BICDL2: variants seen among roughly 807,000 people sequenced by gnomAD.
BICDL2 encodes the protein BICD family-like cargo adapter 2.
In BICDL2, 62 loss-of-function variants were observed where a neutral mutation model predicts 56.6. That is an observed-to-expected ratio of 1.10 (90% CI 0.89 to 1.35). The LOEUF is 1.35. Among genes scored for constraint, BICDL2 ranks in the 40% most tolerant of loss-of-function variants. The pLI is 0.00. For synonymous variants in BICDL2, 358 were observed against 319.8 expected (o/e 1.12, Z -1.27); for missense variants, 808 against 684.5 (o/e 1.18, Z -2.01).
Position 3,029,540 on chromosome 16 carries a change from C to A in BICDL2, c.957+5G>T, listed in dbSNP as rs1232471261. 1 of 1,553,636 alleles carries A rather than the reference C, an allele frequency of 6.4e-7. No homozygotes were observed. Among genetic ancestry groups the A allele is most frequent in the South Asian group, 1.2e-5 (1 of 85,454 alleles). On this transcript the variant is annotated splice_donor_5th_base_variant and intron_variant, in intron 6 of 9. Transcript: ENST00000572449. ...GGTAAGGGGGCTGGGGCCCCACGAG[C>A]TCACCGGGGTGTCTCCGGGTGCGTC...
chr16:3,028,412 G>T lies in BICDL2; in HGVS notation c.1295C>A (p.Ser432Tyr). The change falls in exon 9 of 10, where the codon TCT becomes TAT. Residue 432 changes from serine to tyrosine, a missense_variant. Transcript: ENST00000572449. The part of the protein sequence containing the change: ...NRVSLERDSL[S>Y]RELLRAIRQK... ...GCGGATGGCGCGCAGCAGCTCCCGAGACAGGGAGTCTCGCTCCAGCGAGAC... is the reference window on the plus strand; with the variant it reads ...GCGGATGGCGCGCAGCAGCTCCCGATACAGGGAGTCTCGCTCCAGCGAGAC... 6.4e-7 allele frequency: 1 copy of T among 1,557,556 alleles called. No individual in the cohort carries two copies. The highest frequency in any genetic ancestry group is 2.3e-5 in the East Asian group (1 of 42,626).
Position 3,028,105 on chromosome 16 carries a change from GT to G in BICDL2, c.1527del (p.Ter509CysfsTer34). ...CAAGGGCAGCCCTCTGGGCCCAGCC[GT>G]CAGGTCCTTCGGAAGAGGTTACTGA... is the stretch of plus-strand genomic sequence containing the variant. ...GFLSNLFRRT[*>X] On this transcript the variant is annotated frameshift_variant and stop_lost, in exon 10 of 10. Coordinates refer to ENST00000572449, the MANE Select transcript of BICDL2 (RefSeq NM_001369667.1). LOFTEE classifies it high-confidence loss of function. 7.0e-7 allele frequency: 1 copy of G among 1,424,308 alleles called. No homozygotes were observed. Among genetic ancestry groups the G allele is most frequent in the Non-Finnish European group, 9.1e-7 (1 of 1,094,156 alleles). 88.2% of individuals were successfully genotyped at this position (1,424,308 alleles called of 1,614,324 possible).
chr16:3,027,709 C>CT lies in BICDL2; in HGVS notation c.*396dup, dbSNP rs56382043. The CT allele has an allele frequency of 7.1e-3, 9,571 of 1,347,284 alleles. 1 individual carries two copies. The highest frequency in any genetic ancestry group is 8.1e-3 in the Non-Finnish European group (8,179 of 1,006,506). 83.5% of individuals were successfully genotyped at this position (1,347,284 alleles called of 1,614,324 possible). ...AGGGTTTTAGAGTGTTTTTCATTTT[C>CT]TTTTTTTTTTTTTTTTTACAATAAA... On this transcript the variant is annotated 3_prime_UTR_variant, in exon 10 of 10. Transcript: ENST00000572449.
chr16:3,030,750 A>G lies in BICDL2; in HGVS notation c.561T>C (p.Ala187=). ...ELDALRGQCQ[A]QALAGAELRT... ...TCAGCTCTGCTCCAGCCAGTGCCTG[A>G]GCCTGGCACTGTCCCCGAAGGGCGT... is the stretch of plus-strand genomic sequence containing the variant. The change falls in exon 4 of 10, where the codon GCT becomes GCC. Residue 187 remains alanine, a synonymous_variant. Coordinates refer to ENST00000572449, the MANE Select transcript of BICDL2 (RefSeq NM_001369667.1). The G allele has an allele frequency of 6.2e-7, 1 of 1,612,802 alleles. No individual in the cohort carries two copies. Among genetic ancestry groups the G allele is most frequent in the South Asian group, 1.1e-5 (1 of 91,036 alleles).
Position 3,031,291 on chromosome 16 carries a change from G to C in BICDL2, c.283-141C>G, listed in dbSNP as rs1039470217. 22 of 678,632 alleles carry C rather than the reference G, an allele frequency of 3.2e-5. 1 individual carries two copies. The highest frequency in any genetic ancestry group is 8.1e-4 in the Middle Eastern group (2 of 2,464). 42.0% of individuals were successfully genotyped at this position (678,632 alleles called of 1,614,324 possible). On this transcript the variant is annotated intron_variant, in intron 2 of 9. Coordinates refer to ENST00000572449, the MANE Select transcript of BICDL2 (RefSeq NM_001369667.1). The stretch of plus-strand genomic sequence containing the variant: ...TGTCCAAGACAGACACAAAAGCAAG[G>C]GAGAGTGAGGGAGGAAGCGTGAGCA...
chr16:3,032,649 A>C (rs895514880), intron 2 of BICDL2: 1 of 152,248 alleles, frequency 6.6e-6, no homozygotes, highest in African/African-American at 2.4e-5. Flanking sequence ...GGAGGACGTC[A>C]TGTTTGAGTC....
intron 2 of BICDL2, 88 bp from the exon 3 acceptor site, chr16:3,031,238 C>T: frequency 8.4e-7 from 1 of 1,196,350 alleles, no homozygotes. Flanking sequence ...GGGACAGACA[C>T]CTAGGGAGAA....
chr16:3,028,956 G>A (rs1596481001), intron 7 of BICDL2, 126 bp from the exon 8 acceptor site: 4 of 1,301,080 alleles, frequency 3.1e-6, no homozygotes, highest in Non-Finnish European at 3.1e-6. Flanking sequence ...GGCAGCCGTG[G>A]CCCTGTGCTG....
intron 8 of BICDL2, 96 bp from the exon 9 acceptor site, chr16:3,028,564 G>A: frequency 6.5e-7 from 1 of 1,532,842 alleles, no homozygotes; most frequent in Non-Finnish European, 8.7e-7. Flanking sequence ...GAGGAGGGCT[G>A]CAAACACCTA....
At position 3,031,094 on chromosome 16, in the gene BICDL2, C is replaced by T. The variant is rs907231380; in HGVS notation, c.339G>A (p.Glu113=). ...CCAGCTCCACGGCCCGGGCCTCCCA[C>T]TCGGCTCCTCGGGCTGCCAGGCCTC... ...LRRGLAARGA[E]WEARAVELEG... is the part of the protein sequence containing the mutation. The change falls in exon 3 of 10, where the codon GAG becomes GAA. Residue 113 remains glutamate, a synonymous_variant. Transcript: ENST00000572449. The T allele has an allele frequency of 6.5e-6, 10 of 1,536,320 alleles. No individual in the cohort carries two copies. The highest frequency in any genetic ancestry group is 8.7e-6 in the Non-Finnish European group (10 of 1,146,668).
chr16:3,030,705 C>G lies in BICDL2; in HGVS notation c.606G>C (p.Leu202=), dbSNP rs1245930580. The stretch of plus-strand genomic sequence containing the variant: ...CCCAGCTGACACTCACTTCCCCCTG[C>G]AGACTCTCCAGCCGCGTCCTCAGCT... ...GAELRTRLES[L]QGENQMLQSR... The change falls in exon 4 of 10, where the codon CTG becomes CTC. Residue 202 remains leucine (L), a synonymous_variant. Coordinates refer to ENST00000572449, the MANE Select transcript of BICDL2 (RefSeq NM_001369667.1). The G allele has an allele frequency of 1.2e-6, 2 of 1,611,526 alleles. No individual in the cohort carries two copies. Among genetic ancestry groups the G allele is most frequent in the South Asian group, 2.2e-5 (2 of 90,912 alleles).
chr16:3,034,708 TTCC>T (rs1388684055), intron 2 of BICDL2, among the ~76,000 whole-genome samples: 4 of 148,784 alleles, frequency 2.7e-5, no homozygotes, highest in South Asian at 4.3e-4. Context: ...CCTTCCTTCC[TTCC>T]TTTTTTTTTT....
At chr16:3,029,900 C>A in intron 5 of BICDL2, 161 bp from the exon 6 acceptor site, 1 of 601,730 alleles carries the variant, frequency 1.7e-6, no homozygotes. Context: ...GGCCGTGCAC[C>A]TCCCTCAGCG....
Position 3,029,577 on chromosome 16 carries a change from C to T in BICDL2, c.925G>A (p.Gly309Ser), listed in dbSNP as rs780175282. ...TCTCCGGGTGCGTCGGCGCCCTGGC[C>T]CTGGTCGCCGTCGTCGAGGCTGTGG... ...LAHSLDDGDQ[G>S]QGADAPGDTP... The change falls in exon 6 of 10, where the codon GGC (glycine) becomes AGC (serine). Residue 309 changes from glycine to serine, a missense_variant. Gly to Ser is a moderately conservative substitution (Grantham distance 56). Transcript: ENST00000572449. 1.3e-6 allele frequency: 2 copies of T among 1,545,602 alleles called. No homozygotes were observed. The highest frequency in any genetic ancestry group is 2.4e-5 in the East Asian group (1 of 41,364).
chr16:3,028,396 G>A lies in BICDL2; in HGVS notation c.1311C>T (p.Arg437=). 1 of 1,552,430 alleles carries A rather than the reference G, an allele frequency of 6.4e-7. No homozygotes were observed. The highest frequency in any genetic ancestry group is 8.6e-7 in the Non-Finnish European group (1 of 1,157,262). Residue 437 remains arginine (R), a synonymous_variant, in exon 9 of 10, where the codon CGC becomes CGT. Coordinates refer to ENST00000572449, the MANE Select transcript of BICDL2 (RefSeq NM_001369667.1). The part of the protein sequence containing the change: ...ERDSLSRELL[R]AIRQKVALTQ... ...TGAGCGCCACCTTCTGGCGGATGGC[G>A]CGCAGCAGCTCCCGAGACAGGGAGT...
chr16:3,035,308 C>A lies in BICDL2; in HGVS notation c.189G>T (p.Leu63Phe). 1 of 1,571,706 alleles carries A rather than the reference C, an allele frequency of 6.4e-7. No homozygotes were observed. The highest frequency in any genetic ancestry group is 2.4e-5 in the East Asian group (1 of 42,436). The change falls in exon 2 of 10, where the codon TTG (leucine) becomes TTT (phenylalanine). Residue 63 changes from leucine to phenylalanine, a missense_variant. Coordinates refer to ENST00000572449, the MANE Select transcript of BICDL2 (RefSeq NM_001369667.1). ...GAAGCATCTTGCCGAGCTCCGCGGC[C>A]AACAGCAGGTCTTTCTCCTTCTGCT... is the stretch of plus-strand genomic sequence containing the variant. ...QLQQKEKDLL[L>F]AAELGKMLLE...
rs950512040 is a variant in BICDL2, at chr16:3,029,270, T to A, written c.1107+10A>T. On this transcript the variant is annotated intron_variant, in intron 7 of 9. Coordinates refer to ENST00000572449, the MANE Select transcript of BICDL2 (RefSeq NM_001369667.1). ...GGGCCGTGCATCCAGCACCGTGCCC[T>A]CTGCCCCACCTCATCTTGCAGCTTG... is the stretch of plus-strand genomic sequence containing the variant. The A allele has an allele frequency of 6.2e-7, 1 of 1,608,878 alleles. No homozygotes were observed. Among genetic ancestry groups the A allele is most frequent in the Admixed American group, 1.7e-5 (1 of 59,570 alleles).
chr16:3,030,618 G>A (rs776864537), intron 4 of BICDL2, 23 bp from the exon 5 acceptor site: 10 of 1,595,908 alleles, frequency 6.3e-6, no homozygotes, highest in Non-Finnish European at 6.8e-6. Context: ...CTGAGAGCTG[G>A]GGACAGGGGC....
Position 3,028,337 on chromosome 16 carries a change from C to T in BICDL2, c.1359+11G>A. On this transcript the variant is annotated intron_variant, in intron 9 of 9. Coordinates refer to ENST00000572449, the MANE Select transcript of BICDL2 (RefSeq NM_001369667.1). The stretch of plus-strand genomic sequence containing the variant: ...CCTTGCCCCGCCCCGCACACGGGCC[C>T]CGCCCCTCACCTGCCAGGCCTCCAG... 1 of 1,549,580 alleles carries T rather than the reference C, an allele frequency of 6.5e-7. No individual in the cohort carries two copies. The highest frequency in any genetic ancestry group is 8.7e-7 in the Non-Finnish European group (1 of 1,155,408).
Sources: allele counts gnomAD v4.1 joint callset (sites outside exome capture counted in the v4.1 genomes callset), GRCh38; gene constraint gnomAD v4.1.1; transcripts MANE v1.5; gene names NCBI Gene and HGNC (gene_info 2026-07-23, HGNC 2026-07-21).